KALRN: variants seen among roughly 807,000 people sequenced by gnomAD.
KALRN encodes the protein kalirin RhoGEF kinase.
KALRN carries 70 observed loss-of-function variants against 353.7 expected under a neutral mutation model. The ratio of observed to expected loss-of-function variants is 0.20; its 90% CI spans 0.16 to 0.24. The LOEUF is 0.24. Among genes scored for constraint, KALRN ranks in the 10% least tolerant of loss-of-function variants. The pLI, the probability that KALRN is intolerant of heterozygous loss-of-function variation, is 1.00. For synonymous variants in KALRN, 1,391 were observed against 1,434.8 expected (o/e 0.97, Z 0.69); for missense variants, 2,791 against 3,756.7 (o/e 0.74, Z 6.72).
intron 6 of KALRN, among the ~76,000 whole-genome samples, chr3:124,324,027 A>C (rs2079618786): frequency 1.3e-5 from 2 of 152,200 alleles, no homozygotes; most frequent in Non-Finnish European, 2.9e-5. Flanking sequence ...CCTTCAACCA[A>C]AGATCAATGG....
chr3:124,379,707 C>G (rs1247616741), intron 10 of KALRN, among the ~76,000 whole-genome samples: 3 of 152,176 alleles, frequency 2.0e-5, no homozygotes, highest in African/African-American at 7.2e-5. Context: ...GTGCTAGGCA[C>G]TGTTATCTCT....
intron 1 of KALRN, among the ~76,000 whole-genome samples, chr3:124,039,844 G>T (rs2039787975): frequency 6.6e-6 from 1 of 151,746 alleles, no homozygotes; most frequent in Non-Finnish European, 1.5e-5. Context: ...AATGCTTGTT[G>T]TCCCTTCTTG....
intron 34 of KALRN, among the ~76,000 whole-genome samples, chr3:124,586,842 G>A: frequency 6.6e-6 from 1 of 152,174 alleles, no homozygotes; most frequent in Admixed American, 6.5e-5. Context: ...TGGTGGGGGA[G>A]GTGAGTTAGC....
At chr3:124,088,190 C>G (rs556252090) in intron 1 of KALRN, among the ~76,000 whole-genome samples, 4 of 152,244 alleles carry the variant, frequency 2.6e-5, no homozygotes, top group African/African-American at 9.6e-5. Flanking sequence ...TTGTTGTTCA[C>G]TATGCGGATG....
chr3:124,683,521 G>A (rs567144098), intron 51 of KALRN, among the ~76,000 whole-genome samples: 3 of 152,296 alleles, frequency 2.0e-5, no homozygotes, highest in South Asian at 2.1e-4. Flanking sequence ...GGGCCTTCAA[G>A]GATAAGGATT....
chr3:124,623,428 A>ACACACAC (rs1554055226), intron 34 of KALRN, among the ~76,000 whole-genome samples: 1 of 122,732 alleles, frequency 8.1e-6, no homozygotes, highest in Non-Finnish European at 1.9e-5. Flanking sequence ...ACACACACAC[A>ACACACAC]AAAGGGAGTT....
chr3:124,210,568 G>A (rs560168352), intron 1 of KALRN, among the ~76,000 whole-genome samples: 9 of 152,096 alleles, frequency 5.9e-5, no homozygotes, highest in Non-Finnish European at 1.2e-4. Context: ...AACCTCAGCC[G>A]TCATCTTATC....
intron 5 of KALRN, among the ~76,000 whole-genome samples, chr3:124,276,051 C>T (rs190189303): frequency 7.5e-4 from 114 of 152,348 alleles, no homozygotes; most frequent in Non-Finnish European, 1.4e-3. Flanking sequence ...ATCTGAGACA[C>T]TTGTCACCTT....
chr3:124,243,903 G>A (rs1425322438), intron 3 of KALRN, among the ~76,000 whole-genome samples: 1 of 152,186 alleles, frequency 6.6e-6, no homozygotes, highest in Non-Finnish European at 1.5e-5. Context: ...TTGCTTGAAA[G>A]TAGGGACCTT....
At chr3:124,371,832 A>G (rs935568892) in intron 10 of KALRN, among the ~76,000 whole-genome samples, 7 of 152,198 alleles carry the variant, frequency 4.6e-5, no homozygotes, top group African/African-American at 1.7e-4. Flanking sequence ...AAGATATACA[A>G]TAAAGTTATT....
At chr3:124,676,868 G>A (rs2087249908) in intron 49 of KALRN, among the ~76,000 whole-genome samples, 1 of 152,156 alleles carries the variant, frequency 6.6e-6, no homozygotes, top group African/African-American at 2.4e-5. Flanking sequence ...GCAAGGTGCT[G>A]GTATGCAGGG....
intron 34 of KALRN, among the ~76,000 whole-genome samples, chr3:124,575,944 A>G (rs765007692): frequency 6.6e-6 from 1 of 152,090 alleles, no homozygotes; most frequent in Admixed American, 6.6e-5. Flanking sequence ...GGATGTGGAC[A>G]TCTTTGGCGG....
chr3:124,635,908 G>T, intron 36 of KALRN, among the ~76,000 whole-genome samples: 1 of 151,838 alleles, frequency 6.6e-6, no homozygotes, highest in East Asian at 1.9e-4. Flanking sequence ...TGTTTCCATT[G>T]TTTGCTACTA....
chr3:124,492,674 T>G, intron 31 of KALRN, 66 bp from the exon 32 acceptor site: 69 of 1,530,856 alleles, frequency 4.5e-5, no homozygotes, highest in Non-Finnish European at 5.6e-5. Context: ...GCAGGAGGGT[T>G]GAGAACTGTT....
chr3:124,120,377 C>T (rs1035052440), intron 1 of KALRN, among the ~76,000 whole-genome samples: 4 of 152,236 alleles, frequency 2.6e-5, no homozygotes, highest in Admixed American at 6.5e-5. Flanking sequence ...AGGTAAATCC[C>T]CACAGATGAA....
At chr3:124,207,540 C>T (rs2076520113) in intron 1 of KALRN, among the ~76,000 whole-genome samples, 1 of 152,244 alleles carries the variant, frequency 6.6e-6, no homozygotes, top group East Asian at 1.9e-4. Flanking sequence ...TATGTCCTAT[C>T]CAGGGTGACT....
At chr3:124,464,899 T>A (rs2107755837) in intron 25 of KALRN, among the ~76,000 whole-genome samples, 1 of 147,582 alleles carries the variant, frequency 6.8e-6, no homozygotes, top group East Asian at 2.0e-4. Flanking sequence ...CAAGGGCTAC[T>A]CAGTATTGGT....
chr3:124,159,656 A>G (rs1174372546), intron 1 of KALRN, among the ~76,000 whole-genome samples: 1 of 151,224 alleles, frequency 6.6e-6, no homozygotes, highest in South Asian at 2.1e-4. Flanking sequence ...CTAGCTGTGC[A>G]GTAGCCCATT....
At position 124,334,447 on chromosome 3, in the gene KALRN, G is replaced by A. The variant is rs528746346; in HGVS notation, c.1599G>A (p.Arg533=). Residue 533 remains arginine (R), a synonymous_variant, in exon 9 of 60, where the codon CGG becomes CGA. Transcript: ENST00000682506. This position sits in a 1 kb window ranked among gnomAD's most constrained non-coding sequence, Gnocchi z 4.2. ...GCATCTGGCAGCACCGCAAGGTGCG[G>A]CTCCACCAGCGGCTGCAGCTCTGCG... ...LESIWQHRKV[R]LHQRLQLCVF... 8 of 1,614,044 alleles carry A rather than the reference G, an allele frequency of 5.0e-6. No homozygotes were observed. In the African/African-American group the frequency reaches 8.0e-5, roughly 16 times the overall value.
Sources: allele counts gnomAD v4.1 joint callset (sites outside exome capture counted in the v4.1 genomes callset), GRCh38; gene constraint gnomAD v4.1.1; non-coding constraint Gnocchi (gnomAD v3.1); transcripts MANE v1.5; gene names NCBI Gene and HGNC (gene_info 2026-07-23, HGNC 2026-07-21).